GRM7: variants seen among roughly 807,000 people sequenced by gnomAD.
The protein encoded by GRM7 is glutamate metabotropic receptor 7.
Under a neutral mutation model 84.5 loss-of-function variants are expected in GRM7, and 35 were observed. The ratio of observed to expected loss-of-function variants is 0.41; its 90% confidence interval spans 0.32 to 0.55. The LOEUF (loss-of-function observed/expected upper bound fraction) is 0.55, where lower values mean the gene tolerates loss of function less well. GRM7 is among the 20% of genes least tolerant of loss of function. The pLI is 0.19. For synonymous variants in GRM7, 487 were observed against 455.1 expected (o/e 1.07, Z -0.89); for missense variants, 1,003 against 1,194.6 (o/e 0.84, Z 2.36).
chr3:7,290,146 T>A (rs2125009210), intron 2 of GRM7, among the ~76,000 whole-genome samples: 1 of 152,290 alleles, frequency 6.6e-6, no homozygotes, highest in South Asian at 2.1e-4. Context: ...TTTAAATGAA[T>A]ACATGAATCT....
At chr3:6,896,410 C>G (rs1469821572) in intron 1 of GRM7, among the ~76,000 whole-genome samples, 2 of 152,102 alleles carry the variant, frequency 1.3e-5, no homozygotes, top group African/African-American at 2.4e-5. Context: ...CAGGTGAAGT[C>G]TTAGGTCATT....
intron 8 of GRM7, among the ~76,000 whole-genome samples, chr3:7,634,100 G>A (rs1028222696): frequency 4.0e-5 from 6 of 151,888 alleles, no homozygotes; most frequent in Admixed American, 6.6e-5. Context: ...ATGGTATTTC[G>A]CCCAAATGTC....
At position 7,038,607 on chromosome 3, in the gene GRM7, G is replaced by A. The variant is rs146038690; in HGVS notation, c.520-107845G>A. Among the ~76,000 whole-genome samples, 545 of 152,292 alleles carry A rather than the reference G, an allele frequency of 3.6e-3. 3 individuals are homozygous for A. The highest frequency in any genetic ancestry group is 0.012 in the African/African-American group (507 of 41,560). On this transcript the variant is annotated intron_variant, in intron 1 of 9. Transcript: ENST00000357716. ...TTCCAAAAGGGTGCTACCTACGTGA[G>A]TCTATTACTGCAATTACTTTCATCA...
At chr3:6,874,694 A>G (rs180804639) in intron 1 of GRM7, among the ~76,000 whole-genome samples, 27 of 152,288 alleles carry the variant, frequency 1.8e-4, no homozygotes, top group Non-Finnish European at 8.8e-5. Context: ...ATTATACTAT[A>G]TCCTGGTAAG....
intron 2 of GRM7, among the ~76,000 whole-genome samples, chr3:7,267,109 T>A (rs966603726): frequency 2.6e-5 from 4 of 152,214 alleles, no homozygotes; most frequent in African/African-American, 9.6e-5. Flanking sequence ...TGTAGTTAAC[T>A]ATTTTTTTGA....
chr3:7,487,469 G>A (rs1182825770), intron 7 of GRM7, among the ~76,000 whole-genome samples: 1 of 152,064 alleles, frequency 6.6e-6, no homozygotes. Flanking sequence ...TGGTTTCAGG[G>A]GACAGGTTTG....
chr3:7,401,554 T>C (rs1695453712), intron 4 of GRM7, among the ~76,000 whole-genome samples: 1 of 152,168 alleles, frequency 6.6e-6, no homozygotes, highest in Non-Finnish European at 1.5e-5. Context: ...GGCGGCAGAT[T>C]GAAGTTATAT....
intron 9 of GRM7, among the ~76,000 whole-genome samples, chr3:7,689,335 T>C (rs1386281421): frequency 6.6e-6 from 1 of 152,228 alleles, no homozygotes; most frequent in African/African-American, 2.4e-5. Context: ...TCGTATCATG[T>C]TGGGACTCTC....
At chr3:7,503,102 G>T (rs1489027938) in intron 7 of GRM7, among the ~76,000 whole-genome samples, 1 of 152,146 alleles carries the variant, frequency 6.6e-6, no homozygotes, top group Non-Finnish European at 1.5e-5. Flanking sequence ...CGCCTAGAAA[G>T]CTGGGCAGAG....
rs141859090 is a variant in GRM7, at chr3:7,058,269, A to G, written c.520-88183A>G. Among the ~76,000 whole-genome samples, 27 of 152,098 alleles carry G rather than the reference A, an allele frequency of 1.8e-4. No individual in the cohort carries two copies. The East Asian group carries it at 5.1e-3, about 28-fold the overall frequency. ...TCCCTCTCTAAGTCAACCAAATATG[A>G]AGTCTCAAACAAATATTTTTAATTC... On this transcript the variant is annotated intron_variant, in intron 1 of 9. Transcript: ENST00000357716.
At position 7,084,082 on chromosome 3, in the gene GRM7, G is replaced by C. The variant is rs185262942; in HGVS notation, c.520-62370G>C. Among the ~76,000 whole-genome samples the C allele has an allele frequency of 3.8e-3, 579 of 152,204 alleles. 2 individuals are homozygous for C. Among genetic ancestry groups the C allele is most frequent in the Non-Finnish European group, 5.9e-3 (401 of 68,008 alleles). On this transcript the variant is annotated intron_variant, in intron 1 of 9. Coordinates refer to ENST00000357716, the MANE Select transcript of GRM7 (RefSeq NM_000844.4). ...TAAGATGGGAACCGTAGGGGCAGGG[G>C]GCAGGGATCTGAGCAGAGGAGTAAC...
At chr3:7,330,058 G>A (rs1701140909) in intron 4 of GRM7, among the ~76,000 whole-genome samples, 1 of 152,102 alleles carries the variant, frequency 6.6e-6, no homozygotes, top group African/African-American at 2.4e-5. Flanking sequence ...AGAAGGTAAT[G>A]TTCATGTTAC....
chr3:7,090,258 G>T (rs571683074), intron 1 of GRM7, among the ~76,000 whole-genome samples: 1 of 152,250 alleles, frequency 6.6e-6, no homozygotes, highest in Non-Finnish European at 1.5e-5. Flanking sequence ...TGAGGATTTG[G>T]GTATTTGTTT....
intron 2 of GRM7, among the ~76,000 whole-genome samples, chr3:7,267,998 T>C (rs1698710368): frequency 6.6e-6 from 1 of 152,178 alleles, no homozygotes; most frequent in South Asian, 2.1e-4. Flanking sequence ...CTTGCTGCTC[T>C]GCACTGGTCA....
At chr3:6,989,092 G>C (rs1267545447) in intron 1 of GRM7, among the ~76,000 whole-genome samples, 1 of 152,182 alleles carries the variant, frequency 6.6e-6, no homozygotes, top group Non-Finnish European at 1.5e-5. Flanking sequence ...TGGTGAGCAG[G>C]ATATATCACA....
chr3:7,248,649 C>CA lies in GRM7; in HGVS notation c.737-50034dup, dbSNP rs569007851. Among the ~76,000 whole-genome samples the CA allele has an allele frequency of 3.0e-3, 455 of 152,144 alleles. 2 individuals carry two copies. Among genetic ancestry groups the CA allele is most frequent in the African/African-American group, 0.011 (438 of 41,524 alleles). Reference sequence around the variant, plus strand: ...AGATTGAAGTTAACTTGTAAGGGTTCATTTCTTTCCAGCATAATAATGTGG... The same window carrying CA: ...AGATTGAAGTTAACTTGTAAGGGTTCAATTTCTTTCCAGCATAATAATGTGG... On this transcript the variant is annotated intron_variant, in intron 2 of 9. Coordinates refer to ENST00000357716, the MANE Select transcript of GRM7 (RefSeq NM_000844.4).
At chr3:7,303,219 C>A (rs1276126384) in intron 3 of GRM7, among the ~76,000 whole-genome samples, 1 of 151,998 alleles carries the variant, frequency 6.6e-6, no homozygotes, top group African/African-American at 2.4e-5. Flanking sequence ...GGATTACAGG[C>A]GTGAGCCACC....
chr3:6,959,986 G>A (rs1301832843), intron 1 of GRM7, among the ~76,000 whole-genome samples: 1 of 152,132 alleles, frequency 6.6e-6, no homozygotes, highest in Non-Finnish European at 1.5e-5. Context: ...ACTGGAGGAG[G>A]TCAGACTAAT....
At chr3:7,642,780 A>G (rs971285054) in intron 8 of GRM7, among the ~76,000 whole-genome samples, 1 of 152,200 alleles carries the variant, frequency 6.6e-6, no homozygotes, top group African/African-American at 2.4e-5. Context: ...ATTACAAGGT[A>G]GACATTCAGT....
Sources: gnomAD v4.1 joint callset for allele counts (sites outside exome capture counted in the v4.1 genomes callset) on GRCh38, gnomAD v4.1.1 for gene constraint, MANE v1.5 for transcripts, NCBI Gene and HGNC (gene_info 2026-07-23, HGNC 2026-07-21) for gene names.